The following LINGO2 variants were observed in gnomAD, a reference collection of about 807,000 sequenced individuals.
LINGO2 encodes the protein leucine rich repeat and Ig domain containing 2, also known as leucine-rich repeat and immunoglobulin-like domain-containing nogo receptor-interacting protein 2.
In LINGO2, 14 loss-of-function variants were observed where a neutral mutation model predicts 30.6. That is an observed-to-expected ratio of 0.46 (90% CI 0.30 to 0.72). The LOEUF (loss-of-function observed/expected upper bound fraction) is 0.72, where lower values mean the gene tolerates loss of function less well. Among genes scored for constraint, LINGO2 ranks in the 30% least tolerant of loss-of-function variants. LINGO2 has a pLI of 0.07. For synonymous variants in LINGO2, 317 were observed against 288.5 expected (o/e 1.10, Z -1.00); for missense variants, 729 against 751.7 (o/e 0.97, Z 0.35).
chr9:28,334,672 T>C (rs929055519), intron 3 of LINGO2, among the ~76,000 whole-genome samples: 1 of 152,138 alleles, frequency 6.6e-6, no homozygotes, highest in African/African-American at 2.4e-5. Context: ...CTATGCTTAC[T>C]GGAACCATGA....
At chr9:28,230,824 C>T (rs1445287118) in intron 4 of LINGO2, among the ~76,000 whole-genome samples, 1 of 151,902 alleles carries the variant, frequency 6.6e-6, no homozygotes, top group African/African-American at 2.4e-5. Flanking sequence ...TAATATGCCA[C>T]ATATTTCTTA....
the LINGO2 span, among the ~76,000 whole-genome samples, chr9:28,880,852 C>T: frequency 4.6e-5 from 7 of 152,146 alleles, no homozygotes; most frequent in South Asian, 4.1e-4. Context: ...ATTCTTTACT[C>T]CGCTGAGATG....
chr9:29,138,398 A>G, the LINGO2 span, among the ~76,000 whole-genome samples: 1 of 152,126 alleles, frequency 6.6e-6, no homozygotes, highest in South Asian at 2.1e-4. Flanking sequence ...ACTATACAAT[A>G]TAGTTAAACA....
At chr9:28,048,951 T>C (rs923912538) in intron 4 of LINGO2, among the ~76,000 whole-genome samples, 1 of 150,896 alleles carries the variant, frequency 6.6e-6, no homozygotes, top group African/African-American at 2.4e-5. Context: ...TGCATGTATG[T>C]GAAATATAAA....
intron 4 of LINGO2, among the ~76,000 whole-genome samples, chr9:28,088,149 C>T (rs1349979926): frequency 6.6e-6 from 1 of 151,418 alleles, no homozygotes; most frequent in Non-Finnish European, 1.5e-5. Flanking sequence ...GATAACAATA[C>T]CTCCTGCATA....
chr9:28,375,004 C>A (rs1482638817), intron 2 of LINGO2, among the ~76,000 whole-genome samples: 3 of 151,840 alleles, frequency 2.0e-5, no homozygotes, highest in Non-Finnish European at 4.4e-5. Context: ...CTCCCAGGAC[C>A]TATTCTTGGA....
the LINGO2 span, among the ~76,000 whole-genome samples, chr9:28,877,330 C>T: frequency 6.6e-6 from 1 of 151,908 alleles, no homozygotes; most frequent in Non-Finnish European, 1.5e-5. Flanking sequence ...CTTGCCCATG[C>T]CTATGTCCTG....
chr9:28,912,819 G>A, the LINGO2 span, among the ~76,000 whole-genome samples: 3 of 152,200 alleles, frequency 2.0e-5, no homozygotes, highest in Admixed American at 2.0e-4. Flanking sequence ...ACTATTTTGT[G>A]ATAATCATAA....
the LINGO2 span, among the ~76,000 whole-genome samples, chr9:28,863,940 G>C: frequency 6.6e-6 from 1 of 151,884 alleles, no homozygotes; most frequent in Admixed American, 6.6e-5. Flanking sequence ...TCATTTAAAA[G>C]AATTCCTAAT....
the LINGO2 span, among the ~76,000 whole-genome samples, chr9:28,985,785 T>C: frequency 2.6e-5 from 4 of 152,036 alleles, no homozygotes; most frequent in Non-Finnish European, 4.4e-5. Context: ...GAATGCATCG[T>C]TTGCAAATAT....
the LINGO2 span, among the ~76,000 whole-genome samples, chr9:28,861,316 T>C: frequency 2.3e-5 from 3 of 129,926 alleles, no homozygotes; most frequent in African/African-American, 8.6e-5. Context: ...TTTTATATAA[T>C]ATACTATATA....
At chr9:28,346,921 G>A (rs1819601057) in intron 3 of LINGO2, among the ~76,000 whole-genome samples, 2 of 151,788 alleles carry the variant, frequency 1.3e-5, no homozygotes, top group African/African-American at 2.4e-5. Context: ...ATAGATATAG[G>A]TTAGTAGACT....
chr9:28,823,262 T>C, the LINGO2 span, among the ~76,000 whole-genome samples: 1 of 152,238 alleles, frequency 6.6e-6, no homozygotes, highest in African/African-American at 2.4e-5. Flanking sequence ...GGATATATTA[T>C]GGAAGCAACA....
chr9:28,392,017 A>G (rs1433337361), intron 2 of LINGO2, among the ~76,000 whole-genome samples: 1 of 152,162 alleles, frequency 6.6e-6, no homozygotes, highest in Non-Finnish European at 1.5e-5. Flanking sequence ...ATGCTGGCCA[A>G]CATGGTGAAA....
the LINGO2 span, among the ~76,000 whole-genome samples, chr9:29,083,629 A>G: frequency 6.7e-6 from 1 of 148,390 alleles, no homozygotes; most frequent in Non-Finnish European, 1.5e-5. Flanking sequence ...AAAGATAAAT[A>G]AATTCTACAG....
intron 4 of LINGO2, among the ~76,000 whole-genome samples, chr9:28,191,062 C>A (rs1819805471): frequency 6.6e-6 from 1 of 152,120 alleles, no homozygotes; most frequent in South Asian, 2.1e-4. Context: ...GCTGCTTAGT[C>A]ATTGTTTCTT....
chr9:28,834,674 T>A, the LINGO2 span, among the ~76,000 whole-genome samples: 1 of 152,200 alleles, frequency 6.6e-6, no homozygotes, highest in Non-Finnish European at 1.5e-5. Flanking sequence ...ACACTGACCT[T>A]ATTCTTCCTA....
chr9:28,385,294 T>C lies in LINGO2; in HGVS notation c.-278-12426A>G, dbSNP rs894090677. On this transcript the variant is annotated intron_variant, in intron 2 of 5. Coordinates refer to ENST00000379992, the Ensembl canonical transcript of LINGO2. ...TTCCAGCTCTGCTCCTTCTGTAATA[T>C]AATTAACCTCACCTGAAGTGATTTA... 4.6e-5 allele frequency among the ~76,000 whole-genome samples: 7 copies of C among 152,266 alleles called. 1 individual carries two copies. The East Asian group carries it at 1.4e-3, about 29-fold the overall frequency.
At position 28,280,166 on chromosome 9, in the gene LINGO2, C is replaced by T. The variant is rs888328874; in HGVS notation, c.-87+15042G>A. ...AAAGAATGGGCATTTGAAAATGATG[C>T]AAAAGTAGTGTGCGGAAAAATTACA... is the stretch of plus-strand genomic sequence containing the variant. On this transcript the variant is annotated intron_variant, in intron 4 of 5. Transcript: ENST00000379992. Among the ~76,000 whole-genome samples the T allele has an allele frequency of 8.2e-4, 125 of 151,944 alleles. 8 individuals carry two copies. Among genetic ancestry groups the T allele is most frequent in the Non-Finnish European group, 5.9e-5 (4 of 67,968 alleles).
Sources: gnomAD v4.1 joint callset for allele counts (sites outside exome capture counted in the v4.1 genomes callset) on GRCh38, gnomAD v4.1.1 for gene constraint, MANE v1.5 for transcripts, NCBI Gene and HGNC (gene_info 2026-07-23, HGNC 2026-07-21) for gene names.